The following FCAMR variants were observed in gnomAD, a reference collection of about 807,000 sequenced individuals.
FCAMR encodes the protein Fc alpha and mu receptor, also known as high affinity immunoglobulin alpha and immunoglobulin mu Fc receptor.
In FCAMR, 51 loss-of-function variants were observed where a neutral mutation model predicts 52.2. That is an observed-to-expected ratio of 0.98 (90% CI 0.78 to 1.23). The LOEUF is 1.23. Ranked by LOEUF, FCAMR falls within the 50% of genes most tolerant of loss-of-function variation. FCAMR has a pLI of 0.00. For synonymous variants in FCAMR, 282 were observed against 262.0 expected (o/e 1.08, Z -0.74); for missense variants, 719 against 712.6 (o/e 1.01, Z -0.10).
Position 206,967,124 on chromosome 1 carries a change from ACT to A in FCAMR, c.109-14_109-13del, listed in dbSNP as rs758223260. The A allele has an allele frequency of 1.2e-6, 2 of 1,613,090 alleles. No homozygotes were observed. Among genetic ancestry groups the A allele is most frequent in the South Asian group, 2.2e-5 (2 of 90,738 alleles). Reference sequence around the variant, plus strand: ...CTCCTGCTGGTGACCTGCAAAAAACACTCTAAATGAAAAGAGGCCTGAGAGAA... The same window carrying A: ...CTCCTGCTGGTGACCTGCAAAAAACACTAAATGAAAAGAGGCCTGAGAGAA... On this transcript the variant is annotated splice_polypyrimidine_tract_variant and intron_variant, in intron 2 of 7. Transcript: ENST00000324852.
At chr1:206,962,005 G>A (rs112607518) in intron 5 of FCAMR, among the ~76,000 whole-genome samples, 1 of 152,118 alleles carries the variant, frequency 6.6e-6, no homozygotes, top group Non-Finnish European at 1.5e-5. Flanking sequence ...CATTCACTGG[G>A]GAAGTTTTTC....
chr1:206,962,888 G>A (rs1304311623), intron 4 of FCAMR, among the ~76,000 whole-genome samples: 1 of 152,148 alleles, frequency 6.6e-6, no homozygotes, highest in Non-Finnish European at 1.5e-5. Flanking sequence ...GAGGGCTGAG[G>A]CAACATCTGA....
chr1:206,958,341 G>T lies in FCAMR; in HGVS notation c.*175C>A. 1.5e-6 allele frequency: 1 copy of T among 673,554 alleles called. No homozygotes were observed. The highest frequency in any genetic ancestry group is 2.5e-6 in the Non-Finnish European group (1 of 407,374). 41.7% of individuals were successfully genotyped at this position (673,554 alleles called of 1,614,324 possible). The stretch of plus-strand genomic sequence containing the variant: ...CTTGTCACCTTTGGACGTGGATAAT[G>T]CTTGACTTTCTTGGGCCCAAGGACA... On this transcript the variant is annotated 3_prime_UTR_variant, in exon 8 of 8. Transcript: ENST00000324852.
rs750242459 is a variant in FCAMR, at chr1:206,960,488, G to T, written c.1388C>A (p.Ala463Glu). 53 of 1,549,768 alleles carry T rather than the reference G, an allele frequency of 3.4e-5. 1 individual carries two copies. The highest frequency in any genetic ancestry group is 2.7e-4 in the East Asian group (11 of 40,894). ...DAATGDRGPQATLSQTPAVGP... is the reference protein window; with the variant it reads ...DAATGDRGPQETLSQTPAVGP... ...TACTGCCGGGGTCTGGCTCAGTGTTGCTTGGGGACCTCTGTCTCCAGTGGC... is the reference window on the plus strand; with the variant it reads ...TACTGCCGGGGTCTGGCTCAGTGTTTCTTGGGGACCTCTGTCTCCAGTGGC... The change falls in exon 6 of 8, where the codon GCA (alanine) becomes GAA (glutamate). Residue 463 changes from alanine (A) to glutamate (E), a missense_variant. Coordinates refer to ENST00000324852, the MANE Select transcript of FCAMR (RefSeq NM_001170631.2).
intron 4 of FCAMR, among the ~76,000 whole-genome samples, chr1:206,963,831 G>A (rs987896866): frequency 1.4e-4 from 21 of 152,304 alleles, no homozygotes; most frequent in Non-Finnish European, 2.8e-4. Context: ...TGTATTTTTA[G>A]CATATATGGC....
intron 7 of FCAMR, 176 bp from the exon 8 acceptor site, chr1:206,958,852 G>A: frequency 1.3e-6 from 1 of 766,630 alleles, no homozygotes. Context: ...TGGACTTCGG[G>A]GCCTGGGTCT....
chr1:206,969,804 T>A (rs1172683449), intron 1 of FCAMR, among the ~76,000 whole-genome samples: 1 of 152,234 alleles, frequency 6.6e-6, no homozygotes, highest in African/African-American at 2.4e-5. Context: ...AGAAGAGCTT[T>A]GACTGCATGT....
Position 206,970,106 on chromosome 1 carries a change from A to T in FCAMR, c.20T>A (p.Val7Glu). The T allele has an allele frequency of 6.2e-7, 1 of 1,614,086 alleles. No individual in the cohort carries two copies. The highest frequency in any genetic ancestry group is 1.1e-5 in the South Asian group (1 of 91,080). The change falls in exon 1 of 8, where the codon GTG becomes GAG. Residue 7 changes from valine to glutamate, a missense_variant. By Grantham distance (121) the Val-to-Glu change is moderately radical. Transcript: ENST00000324852. ...TTTCACCTTTTGTTCTCCAGGCTTC[A>T]CTGTGGCCTCTCCATCCATCTCAGT... is the stretch of plus-strand genomic sequence containing the variant. MDGEAT[V>E]KPGEQKEVVR...
In FCAMR at chr1:206,962,512, T is replaced by C. The variant is rs1387211493; in HGVS notation, c.353A>G (p.Glu118Gly). The change falls in exon 5 of 8, where the codon GAG (glutamate) becomes GGG (glycine). Residue 118 changes from glutamate (E) to glycine (G), a missense_variant. Physicochemically the swap from Glu to Gly is moderately conservative, Grantham distance 98. Transcript: ENST00000324852. ...CTGGATGGTGACAGCTCCTCCAGGC[T>C]CCCCTGACACCAGCCTTGAGCCCTT... Reference protein sequence around the residue: ...SLKGSRLVSGEPGGAVTIQCH... With the variant: ...SLKGSRLVSGGPGGAVTIQCH... 1 of 1,598,554 alleles carries C rather than the reference T, an allele frequency of 6.3e-7. No homozygotes were observed. The highest frequency in any genetic ancestry group is 2.2e-5 in the East Asian group (1 of 44,554).
At chr1:206,964,632 C>A (rs1680637172) in intron 4 of FCAMR, among the ~76,000 whole-genome samples, 1 of 151,844 alleles carries the variant, frequency 6.6e-6, no homozygotes, top group Non-Finnish European at 1.5e-5. Flanking sequence ...CCCCTGTAAG[C>A]AAACGCTCCC....
chr1:206,962,595 T>C (rs1212990661), intron 4 of FCAMR, 44 bp from the exon 5 acceptor site: 1 of 1,455,342 alleles, frequency 6.9e-7, no homozygotes, highest in Non-Finnish European at 9.1e-7. Context: ...GTGGTGAGCA[T>C]AGTCACTGTT....
In FCAMR at chr1:206,960,185, G is replaced by T. The variant is rs41275384; in HGVS notation, c.1454+237C>A. ...TTAAAAACAGAAAGTCCTAATGAAG[G>T]TTCCAGCCTAAATATTGTCTTTCTA... On this transcript the variant is annotated intron_variant, in intron 6 of 7. Transcript: ENST00000324852. 3.1e-3 allele frequency: 1,726 copies of T among 548,578 alleles called. 1 individual carries two copies. The highest frequency in any genetic ancestry group is 5.7e-3 in the Middle Eastern group (12 of 2,096). 34.0% of individuals were successfully genotyped at this position (548,578 alleles called of 1,614,324 possible).
intron 3 of FCAMR, among the ~76,000 whole-genome samples, chr1:206,966,185 A>G (rs1357894636): frequency 6.6e-6 from 1 of 152,194 alleles, no homozygotes; most frequent in Non-Finnish European, 1.5e-5. Flanking sequence ...TGACCAAAGT[A>G]TTTAGCTGGA....
rs180858792 is a variant in FCAMR, at chr1:206,958,492, C to G, written c.*24G>C. 5 of 1,597,506 alleles carry G rather than the reference C, an allele frequency of 3.1e-6. No homozygotes were observed. Among genetic ancestry groups the G allele is most frequent in the Non-Finnish European group, 2.6e-6 (3 of 1,171,576 alleles). On this transcript the variant is annotated 3_prime_UTR_variant, in exon 8 of 8. Coordinates refer to ENST00000324852, the MANE Select transcript of FCAMR (RefSeq NM_001170631.2). ...GATCTTGGTCCTTCTCCCATGGTAA[C>G]TGAGCAGTTCATCTCTCTGTCCCTC...
intron 5 of FCAMR, among the ~76,000 whole-genome samples, 169 bp downstream of exon 5, chr1:206,962,044 C>T (rs12121714): frequency 0.28 from 43,064 of 151,952 alleles, 6,442 homozygotes; most frequent in Middle Eastern, 0.44. Context: ...TTGAAGGCAG[C>T]CTTCTTCTGA....
chr1:206,970,011 G>A, intron 1 of FCAMR, 76 bp downstream of exon 1: 1 of 1,573,044 alleles, frequency 6.4e-7, no homozygotes, highest in South Asian at 1.1e-5. Context: ...AGGAGCATGT[G>A]TGACAGCTAT....
At chr1:206,968,504 G>T (rs568819348) in intron 1 of FCAMR, among the ~76,000 whole-genome samples, 1 of 152,194 alleles carries the variant, frequency 6.6e-6, no homozygotes, top group African/African-American at 2.4e-5. Context: ...AAAGTTAGCC[G>T]TTGAGTTTTT....
At chr1:206,967,495 G>C in intron 2 of FCAMR, 88 bp downstream of exon 2, 2 of 1,385,458 alleles carry the variant, frequency 1.4e-6, no homozygotes, top group South Asian at 2.4e-5. Flanking sequence ...AGTTGGAATT[G>C]TGGGACCTTG....
intron 4 of FCAMR, among the ~76,000 whole-genome samples, chr1:206,963,235 G>T (rs143876558): frequency 6.6e-6 from 1 of 152,116 alleles, no homozygotes. Flanking sequence ...CTTTTCCATA[G>T]AAACAGAAAC....
Sources: gnomAD v4.1 joint callset for allele counts (sites outside exome capture counted in the v4.1 genomes callset) on GRCh38, gnomAD v4.1.1 for gene constraint, MANE v1.5 for transcripts, NCBI Gene and HGNC (gene_info 2026-07-23, HGNC 2026-07-21) for gene names.